Variants in RGS12 observed in about 807,000 individuals in gnomAD.
The protein encoded by RGS12 is regulator of G protein signaling 12, also known as regulator of G-protein signaling 12.
Under a neutral mutation model 120.1 loss-of-function variants are expected in RGS12, and 66 were observed. The observed-to-expected ratio is 0.55, with a 90% CI of 0.45 to 0.67. The LOEUF is 0.67. Ranked by LOEUF, RGS12 falls within the 30% of genes least tolerant of loss-of-function variation. The probability of loss-of-function intolerance (pLI) is 0.00; values close to 1 mark genes in which losing one functional copy is unlikely to be tolerated. For missense variants in RGS12, 1,859 were observed against 1,957.7 expected (o/e 0.95, Z 0.95); for synonymous variants, 827 against 804.7 (o/e 1.03, Z -0.47).
upstream of RGS12, among the ~76,000 whole-genome samples, chr4:3,289,444 G>A (rs1227148438): frequency 3.3e-5 from 5 of 152,114 alleles, no homozygotes; most frequent in East Asian, 3.8e-4. Context: ...GCTTAAGTGA[G>A]CCACCTACCT....
At chr4:3,291,348 C>CTTTT (rs66464754), upstream of RGS12, among the ~76,000 whole-genome samples, 28,192 of 132,586 alleles carry the variant, frequency 0.21, 3,516 homozygotes, top group East Asian at 0.41. Flanking sequence ...TTTCCTGGCT[C>CTTTT]TTTTTTTTTT....
In RGS12 at chr4:3,317,438, ACAG is replaced by A. The variant is rs1367304261; in HGVS notation, c.1270_1272del (p.Ser424del). 1 of 1,613,964 alleles carries A rather than the reference ACAG, an allele frequency of 6.2e-7. No individual in the cohort carries two copies. The highest frequency in any genetic ancestry group is 1.3e-5 in the African/African-American group (1 of 74,938). Reference sequence around the variant, plus strand: ...AACAACAGCACCAGCAGCAACAGTGACAGCGGCATTGGGAACTTCCACCAGGAG... The same window carrying A: ...AACAACAGCACCAGCAGCAACAGTGACGGCATTGGGAACTTCCACCAGGAG... On this transcript the variant is annotated inframe_deletion, in exon 2 of 18. Transcript: ENST00000336727.
Position 3,422,995 on chromosome 4 carries a change from T to C in RGS12, c.3107+17T>C. 6.2e-7 allele frequency: 1 copy of C among 1,609,288 alleles called. No homozygotes were observed. The highest frequency in any genetic ancestry group is 8.5e-7 in the Non-Finnish European group (1 of 1,176,654). On this transcript the variant is annotated intron_variant, in intron 12 of 17. Transcript: ENST00000336727. Reference sequence around the variant, plus strand: ...CTTGTTTCGGTAAGAGGAAGATCGCTGTCATTCACCTGAGGCTCCCAGAGC... The same window carrying C: ...CTTGTTTCGGTAAGAGGAAGATCGCCGTCATTCACCTGAGGCTCCCAGAGC...
intron 4 of RGS12, among the ~76,000 whole-genome samples, chr4:3,395,128 G>A (rs537087064): frequency 8.5e-5 from 13 of 152,132 alleles, no homozygotes; most frequent in African/African-American, 3.1e-4. Flanking sequence ...GGGAGGTGAA[G>A]GTTATAGTAG....
intron 2 of RGS12, among the ~76,000 whole-genome samples, chr4:3,325,875 A>G (rs1725524600): frequency 6.6e-6 from 1 of 152,234 alleles, no homozygotes; most frequent in Non-Finnish European, 1.5e-5. Flanking sequence ...ATGGTTCAAC[A>G]TATGCAAATC....
chr4:3,363,798 ACCCCTGG>A (rs1715989866), intron 3 of RGS12, among the ~76,000 whole-genome samples: 1 of 151,870 alleles, frequency 6.6e-6, no homozygotes. Context: ...GGCAGACAGA[ACCCCTGG>A]GACCCAGGGG....
At chr4:3,337,410 T>G (rs1712597853) in intron 2 of RGS12, among the ~76,000 whole-genome samples, 1 of 152,244 alleles carries the variant, frequency 6.6e-6, no homozygotes, top group African/African-American at 2.4e-5. Context: ...GGAGATGCTC[T>G]TTATACACAT....
At chr4:3,312,426 G>A (rs1282724815) in intron 1 of RGS12, 1 of 205,364 alleles carries the variant, frequency 4.9e-6, no homozygotes, top group Non-Finnish European at 1.0e-5. Context: ...CCCACGTGGT[G>A]AACACTGTGG....
At chr4:3,400,620 C>A (rs1439569117) in intron 4 of RGS12, among the ~76,000 whole-genome samples, 1 of 148,694 alleles carries the variant, frequency 6.7e-6, no homozygotes, top group African/African-American at 2.5e-5. Flanking sequence ...ATTATATATT[C>A]TATTAGTAAT....
In RGS12 at chr4:3,415,960, AG is replaced by A. The variant is rs1722350643; in HGVS notation, c.2284-16del. On this transcript the variant is annotated splice_polypyrimidine_tract_variant and intron_variant, in intron 6 of 17. Transcript: ENST00000336727. ...GAGAGGAAGCCTTGCCGGGCTGCTC[AG>A]GTGCCTTTCCTGTCAGCTTTCCTAC... 3.1e-6 allele frequency: 5 copies of A among 1,597,142 alleles called. No homozygotes were observed. The African/African-American group carries it at 6.7e-5, about 21-fold the overall frequency.
chr4:3,304,733 T>C (rs571736387), intron 1 of RGS12, among the ~76,000 whole-genome samples: 2 of 152,352 alleles, frequency 1.3e-5, no homozygotes, highest in South Asian at 4.1e-4. Context: ...AGGGACCATT[T>C]TTGAAACTAC....
intron 4 of RGS12, among the ~76,000 whole-genome samples, chr4:3,411,378 CTG>C (rs1289363787): frequency 1.3e-5 from 2 of 151,896 alleles, no homozygotes; most frequent in Non-Finnish European, 2.9e-5. Context: ...GGATTGTGGT[CTG>C]TGTGTGTTCT....
At chr4:3,402,855 T>G (rs950267238) in intron 4 of RGS12, among the ~76,000 whole-genome samples, 1 of 152,256 alleles carries the variant, frequency 6.6e-6, no homozygotes, top group African/African-American at 2.4e-5. Context: ...TCAGCTCAAG[T>G]AAGCATAATA....
rs1719231304 is a variant in RGS12 at position 3,389,455 on chromosome 4, A to T, written c.2020+3018A>T. Among the ~76,000 whole-genome samples, 1 of 152,160 alleles carries T rather than the reference A, an allele frequency of 6.6e-6. No individual in the cohort carries two copies. Among genetic ancestry groups the T allele is most frequent in the Non-Finnish European group, 1.5e-5 (1 of 68,022 alleles). On this transcript the variant is annotated intron_variant, in intron 4 of 17. Transcript: ENST00000336727. This position sits in a 1 kb window ranked among gnomAD's most constrained non-coding sequence, Gnocchi z 5.2. ...AGCTGGAGGGAGATGGGGCGTTGTG[A>T]AGAAATGAGAAAAGGAAGATGCCCG...
chr4:3,286,240 A>G, the RGS12 span, among the ~76,000 whole-genome samples: 1 of 152,222 alleles, frequency 6.6e-6, no homozygotes, highest in Non-Finnish European at 1.5e-5. Context: ...GGCCACCCTA[A>G]GGGCAGGTCT....
intron 3 of RGS12, among the ~76,000 whole-genome samples, chr4:3,380,904 C>T (rs1467302119): frequency 6.6e-6 from 1 of 152,210 alleles, no homozygotes; most frequent in African/African-American, 2.4e-5. Flanking sequence ...CATTTGGCTC[C>T]TTATTACTTA....
chr4:3,301,771 G>T (rs1723702268), intron 1 of RGS12, among the ~76,000 whole-genome samples: 1 of 152,102 alleles, frequency 6.6e-6, no homozygotes, highest in Non-Finnish European at 1.5e-5. Flanking sequence ...TGAAGGGGTG[G>T]GGGGCGCAGA....
At chr4:3,368,124 G>T (rs1716530460) in intron 3 of RGS12, among the ~76,000 whole-genome samples, 1 of 152,144 alleles carries the variant, frequency 6.6e-6, no homozygotes, top group South Asian at 2.1e-4. Flanking sequence ...AGGGTCTGGG[G>T]GCCCTGGGGG....
chr4:3,427,490 C>G (rs1470836648), intron 14 of RGS12, among the ~76,000 whole-genome samples: 1 of 152,214 alleles, frequency 6.6e-6, no homozygotes, highest in Non-Finnish European at 1.5e-5. Flanking sequence ...AATCCCAGCA[C>G]TTTTGGAGGC....
Sources: gnomAD v4.1 joint callset for allele counts (sites outside exome capture counted in the v4.1 genomes callset) on GRCh38, gnomAD v4.1.1 for gene constraint, Gnocchi (gnomAD v3.1) non-coding constraint, MANE v1.5 for transcripts, NCBI Gene and HGNC (gene_info 2026-07-23, HGNC 2026-07-21) for gene names.